SKI: variants seen among roughly 807,000 people sequenced by gnomAD.
SKI encodes the protein SKI proto-oncogene.
In SKI, 23 loss-of-function variants were observed where a neutral mutation model predicts 59.3. The observed-to-expected ratio is 0.39, with a 90% CI of 0.28 to 0.55. The LOEUF (loss-of-function observed/expected upper bound fraction) is 0.55. Among genes scored for constraint, SKI ranks in the 20% least tolerant of loss-of-function variants. The pLI is 0.67. For synonymous variants in SKI, 673 were observed against 488.6 expected (o/e 1.38, Z -4.98); for missense variants, 1,017 against 1,038.9 (o/e 0.98, Z 0.29).
At chr1:2,246,937 C>T (rs1184979494) in intron 1 of SKI, among the ~76,000 whole-genome samples, 2 of 152,142 alleles carry the variant, frequency 1.3e-5, no homozygotes, top group Non-Finnish European at 2.9e-5. Context: ...GAGCCATGGG[C>T]ACAGGCCGGG....
At chr1:2,280,055 C>T (rs1454034949) in intron 1 of SKI, among the ~76,000 whole-genome samples, 1 of 152,174 alleles carries the variant, frequency 6.6e-6, no homozygotes, top group African/African-American at 2.4e-5. Flanking sequence ...GTCTGCCTTC[C>T]ACCTGAACCC....
intron 1 of SKI, among the ~76,000 whole-genome samples, chr1:2,234,361 T>C (rs1638706780): frequency 6.6e-6 from 1 of 152,100 alleles, no homozygotes; most frequent in Non-Finnish European, 1.5e-5. Context: ...GCTGGGTCCC[T>C]CGCCTTCTGG....
intron 1 of SKI, among the ~76,000 whole-genome samples, chr1:2,263,945 G>A (rs1432237595): frequency 1.3e-5 from 2 of 152,044 alleles, no homozygotes; most frequent in South Asian, 4.2e-4. Flanking sequence ...GGAGGCCAAG[G>A]CAGGAGGATC....
intron 1 of SKI, among the ~76,000 whole-genome samples, chr1:2,296,856 C>T (rs965772836): frequency 2.8e-4 from 42 of 152,204 alleles, no homozygotes; most frequent in African/African-American, 9.2e-4. Flanking sequence ...CCTTCACGTG[C>T]GCTCGCAGCC....
Position 2,306,831 on chromosome 1 carries a change from A to C in SKI, c.*66A>C. ...GCAGGGGGGCGCGGCTGGGCGGTGC[A>C]GCTCCGCCCGGCTCCGCCCCTGCAG... On this transcript the variant is annotated 3_prime_UTR_variant, in exon 7 of 7. Transcript: ENST00000378536. 1 of 1,169,102 alleles carries C rather than the reference A, an allele frequency of 8.6e-7. No individual in the cohort carries two copies. Among genetic ancestry groups the C allele is most frequent in the Non-Finnish European group, 1.1e-6 (1 of 907,884 alleles). 72.4% of individuals were successfully genotyped at this position (1,169,102 alleles called of 1,614,324 possible).
chr1:2,274,623 T>C, intron 1 of SKI, among the ~76,000 whole-genome samples: 1 of 152,250 alleles, frequency 6.6e-6, no homozygotes, highest in East Asian at 1.9e-4. Flanking sequence ...AACATGTTTC[T>C]GGAAGTGGGA....
chr1:2,264,512 G>A (rs1639457375), intron 1 of SKI, among the ~76,000 whole-genome samples: 2 of 152,088 alleles, frequency 1.3e-5, no homozygotes, highest in Non-Finnish European at 2.9e-5. Context: ...TCATGGATCC[G>A]CCTGCTTCAG....
chr1:2,241,312 A>T (rs1470409856), intron 1 of SKI, among the ~76,000 whole-genome samples: 1 of 152,092 alleles, frequency 6.6e-6, no homozygotes, highest in Non-Finnish European at 1.5e-5. Context: ...AATGCACCCC[A>T]TGTATCCCGT....
chr1:2,284,156 T>C (rs1639979927), intron 1 of SKI, among the ~76,000 whole-genome samples: 1 of 152,140 alleles, frequency 6.6e-6, no homozygotes, highest in Non-Finnish European at 1.5e-5. Context: ...CACAGCTGCA[T>C]CAGAGGCCCC....
rs919524868 is a variant in SKI at position 2,269,546 on chromosome 1, G to A, written c.970-33432G>A. On this transcript the variant is annotated intron_variant, in intron 1 of 6. Transcript: ENST00000378536. The surrounding 1 kb of genome is among the most constrained non-coding windows in gnomAD (Gnocchi z 4.7). ...CCCGTTCCAGGCCCGCACTAGTGGCGCCTGGTTATCAGGTGTGGTGAGGAG... is the reference window on the plus strand; with the variant it reads ...CCCGTTCCAGGCCCGCACTAGTGGCACCTGGTTATCAGGTGTGGTGAGGAG... 6.6e-6 allele frequency among the ~76,000 whole-genome samples: 1 copy of A among 152,270 alleles called. No homozygotes were observed. The highest frequency in any genetic ancestry group is 2.4e-5 in the African/African-American group (1 of 41,480).
intron 1 of SKI, among the ~76,000 whole-genome samples, chr1:2,288,216 A>T (rs1054953431): frequency 6.6e-6 from 1 of 151,540 alleles, no homozygotes; most frequent in African/African-American, 2.4e-5. Flanking sequence ...CGAACTTCTG[A>T]CCTCAGGTGA....
At chr1:2,298,208 C>T (rs890908078) in intron 1 of SKI, among the ~76,000 whole-genome samples, 6 of 152,332 alleles carry the variant, frequency 3.9e-5, no homozygotes, top group Admixed American at 2.6e-4. Flanking sequence ...TGCGCGCCCT[C>T]GTGGGGGCTT....
Position 2,302,855 on chromosome 1 carries a change from C to A in SKI, c.970-123C>A. 3 of 1,329,702 alleles carry A rather than the reference C, an allele frequency of 2.3e-6. 1 individual carries two copies. The highest frequency in any genetic ancestry group is 1.1e-6 in the Non-Finnish European group (1 of 928,780). 82.4% of individuals were successfully genotyped at this position (1,329,702 alleles called of 1,614,324 possible). A position where few individuals can be genotyped will look rare whatever the true frequency, so the allele number is the denominator to read the frequency against. ...GTGCCCTGGAATCTGCCTTCTGCGC[C>A]ACTCAGGGTCGTTTGTGGCCGGAGT... On this transcript the variant is annotated intron_variant, in intron 1 of 6. Transcript: ENST00000378536.
Position 2,229,001 on chromosome 1 carries a change from A to G in SKI, c.235A>G (p.Ile79Val), listed in dbSNP as rs1638568678. The G allele has an allele frequency of 6.4e-7, 1 of 1,564,478 alleles. No individual in the cohort carries two copies. Among genetic ancestry groups the G allele is most frequent in the African/African-American group, 1.4e-5 (1 of 73,548 alleles). Residue 79 changes from isoleucine to valine, a missense_variant, in exon 1 of 7, where the codon ATC becomes GTC. Coordinates refer to ENST00000378536, the MANE Select transcript of SKI (RefSeq NM_003036.4). This position sits in a 1 kb window ranked among gnomAD's most constrained non-coding sequence, Gnocchi z 6.3. The part of the protein sequence containing the change: ...EPPPVLHLPA[I>V]QPPPPVLPGP... ...GCCGCCCGTGCTGCACCTGCCCGCCATCCAGCCGCCGCCGCCCGTGCTGCC... is the reference window on the plus strand; with the variant it reads ...GCCGCCCGTGCTGCACCTGCCCGCCGTCCAGCCGCCGCCGCCCGTGCTGCC...
At chr1:2,244,674 C>G (rs1167268085) in intron 1 of SKI, among the ~76,000 whole-genome samples, 2 of 152,106 alleles carry the variant, frequency 1.3e-5, no homozygotes, top group African/African-American at 4.8e-5. Flanking sequence ...TATTTCTTTG[C>G]TTTTTGGTGG....
chr1:2,246,566 A>G (rs1639001254), intron 1 of SKI, among the ~76,000 whole-genome samples: 1 of 152,024 alleles, frequency 6.6e-6, no homozygotes, highest in African/African-American at 2.4e-5. Flanking sequence ...TCATGTTTGT[A>G]AGAGGAGACG....
chr1:2,251,649 G>T (rs1041946489), intron 1 of SKI, among the ~76,000 whole-genome samples: 2 of 152,216 alleles, frequency 1.3e-5, no homozygotes, highest in East Asian at 1.9e-4. Flanking sequence ...CATCTGGGGG[G>T]GCTGGCGCCG....
chr1:2,303,993 G>A lies in SKI; in HGVS notation c.1365G>A (p.Arg455=). 1 of 1,612,558 alleles carries A rather than the reference G, an allele frequency of 6.2e-7. No individual in the cohort carries two copies. The highest frequency in any genetic ancestry group is 2.2e-5 in the East Asian group (1 of 44,872). Reference sequence around the variant, plus strand: ...CCACTTGCACCCAGCCTCGGAAGCGGAAGCTGACTGTGGACACCCCAGGAG... The same window carrying A: ...CCACTTGCACCCAGCCTCGGAAGCGAAAGCTGACTGTGGACACCCCAGGAG... ...PLATCTQPRK[R]KLTVDTPGAP... is the part of the protein sequence containing the mutation. The change falls in exon 4 of 7, where the codon CGG becomes CGA. Residue 455 remains arginine (R), a synonymous_variant. Coordinates refer to ENST00000378536, the MANE Select transcript of SKI (RefSeq NM_003036.4). This position sits in a 1 kb window ranked among gnomAD's most constrained non-coding sequence, Gnocchi z 5.6.
At chr1:2,272,034 G>A (rs369649048) in intron 1 of SKI, among the ~76,000 whole-genome samples, 6 of 152,040 alleles carry the variant, frequency 3.9e-5, no homozygotes, top group East Asian at 1.9e-4. Context: ...GGCACTGAGC[G>A]GAGGGGCTTG....
Sources: allele counts gnomAD v4.1 joint callset (sites outside exome capture counted in the v4.1 genomes callset), GRCh38; gene constraint gnomAD v4.1.1; non-coding constraint Gnocchi (gnomAD v3.1); transcripts MANE v1.5; gene names NCBI Gene and HGNC (gene_info 2026-07-23, HGNC 2026-07-21).